The following AKR1C8 variants were observed in gnomAD, a reference collection of about 807,000 sequenced individuals.
The protein encoded by AKR1C8 is aldo-keto reductase family 1 member C-like protein 1.
chr10:5,138,845 A>G, the AKR1C8 span, among the ~76,000 whole-genome samples: 2 of 152,186 alleles, frequency 1.3e-5, no homozygotes, highest in African/African-American at 4.8e-5. Flanking sequence ...AGAGTATTCA[A>G]TTAGGAAAAG....
chr10:5,123,564 A>G, the AKR1C8 span: 2 of 720,236 alleles, frequency 2.8e-6, no homozygotes, highest in Non-Finnish European at 4.5e-6. Context: ...GAATAACAGC[A>G]GCAGCATCAC....
At chr10:5,123,757 C>T in the AKR1C8 span, 2 of 1,613,340 alleles carry the variant, frequency 1.2e-6, no homozygotes, top group South Asian at 1.1e-5. Context: ...GCAACCAGAA[C>T]AATGTCTTTT....
the AKR1C8 span, chr10:5,162,005 T>A: frequency 1.9e-6 from 1 of 525,270 alleles, no homozygotes; most frequent in South Asian, 1.4e-5. Flanking sequence ...AAATGGATTA[T>A]AATTTCACAC....
the AKR1C8 span, among the ~76,000 whole-genome samples, chr10:5,148,561 G>T: frequency 2.0e-5 from 3 of 152,122 alleles, no homozygotes; most frequent in African/African-American, 7.2e-5. Flanking sequence ...TGCAGGTCAG[G>T]TACAGAATGA....
chr10:5,167,760 C>A, the AKR1C8 span, among the ~76,000 whole-genome samples: 1 of 133,950 alleles, frequency 7.5e-6, no homozygotes, highest in Non-Finnish European at 1.7e-5. Context: ...GCACATGTAG[C>A]CTAAAACTTA....
the AKR1C8 span, among the ~76,000 whole-genome samples, chr10:5,128,437 A>G: frequency 2.6e-5 from 4 of 152,294 alleles, no homozygotes; most frequent in Admixed American, 6.5e-5. Flanking sequence ...TCACATCTGA[A>G]TATTAACATT....
the AKR1C8 span, among the ~76,000 whole-genome samples, chr10:5,174,041 T>G: frequency 6.6e-6 from 1 of 152,080 alleles, no homozygotes; most frequent in African/African-American, 2.4e-5. Context: ...GTTTTCCTTG[T>G]GGAACCTGAA....
At chr10:5,179,057 C>A in the AKR1C8 span, among the ~76,000 whole-genome samples, 1 of 152,164 alleles carries the variant, frequency 6.6e-6, no homozygotes, top group Non-Finnish European at 1.5e-5. Context: ...TTAGTTGATG[C>A]AGTTTCTTCC....
At chr10:5,132,582 G>C in the AKR1C8 span, 2 of 1,517,788 alleles carry the variant, frequency 1.3e-6, no homozygotes. Flanking sequence ...GTGCATGCAT[G>C]CTTATCATAG....
chr10:5,158,256 G>C, the AKR1C8 span, among the ~76,000 whole-genome samples: 1 of 152,188 alleles, frequency 6.6e-6, no homozygotes, highest in East Asian at 1.9e-4. Context: ...TTCTTTGGGA[G>C]ATAACAAGTT....
At chr10:5,122,424 T>C in the AKR1C8 span, among the ~76,000 whole-genome samples, 1 of 152,152 alleles carries the variant, frequency 6.6e-6, no homozygotes, top group Non-Finnish European at 1.5e-5. Flanking sequence ...TCTAGAAAAT[T>C]GCTTGAGACA....
At chr10:5,180,298 G>A in the AKR1C8 span, among the ~76,000 whole-genome samples, 13 of 152,208 alleles carry the variant, frequency 8.5e-5, no homozygotes, top group Non-Finnish European at 1.5e-4. Context: ...GGATTTTCAT[G>A]AACTGCGAAT....
the AKR1C8 span, among the ~76,000 whole-genome samples, chr10:5,182,216 G>T: frequency 3.3e-5 from 5 of 152,116 alleles, no homozygotes; most frequent in East Asian, 9.7e-4. Flanking sequence ...CAATATAATT[G>T]CTTACATCAG....
At chr10:5,115,957 G>C in the AKR1C8 span, among the ~76,000 whole-genome samples, 1 of 152,070 alleles carries the variant, frequency 6.6e-6, no homozygotes, top group African/African-American at 2.4e-5. Flanking sequence ...CTACTACCCA[G>C]TATGCATACC....
chr10:5,178,229 C>T, the AKR1C8 span, among the ~76,000 whole-genome samples: 6 of 152,136 alleles, frequency 3.9e-5, no homozygotes, highest in Admixed American at 1.3e-4. Flanking sequence ...GCTTTCATTT[C>T]GTTATGTACC....
the AKR1C8 span, among the ~76,000 whole-genome samples, chr10:5,140,346 A>G: frequency 6.5e-3 from 996 of 152,296 alleles, 10 homozygotes; most frequent in African/African-American, 0.023. Context: ...ACACATGCAC[A>G]CATATGTTTA....
the AKR1C8 span, among the ~76,000 whole-genome samples, chr10:5,182,165 C>T: frequency 1.9e-3 from 287 of 152,184 alleles, 2 homozygotes; most frequent in Middle Eastern, 6.8e-3. Flanking sequence ...CCTGGTTCCT[C>T]TGAAATTCAG....
the AKR1C8 span, among the ~76,000 whole-genome samples, chr10:5,174,740 G>A: frequency 6.6e-6 from 1 of 151,364 alleles, no homozygotes. Flanking sequence ...GTAAAAACAG[G>A]AAAAAGTGTT....
chr10:5,165,140 G>C, the AKR1C8 span, among the ~76,000 whole-genome samples: 1 of 152,104 alleles, frequency 6.6e-6, no homozygotes, highest in Non-Finnish European at 1.5e-5. Flanking sequence ...TCATGACACT[G>C]TATAGGGGGT....
Sources: gnomAD v4.1 joint callset for allele counts (sites outside exome capture counted in the v4.1 genomes callset) on GRCh38, gnomAD v4.1.1 for gene constraint, MANE v1.5 for transcripts, NCBI Gene and HGNC (gene_info 2026-07-23, HGNC 2026-07-21) for gene names.